The following SORCS2 variants were observed in gnomAD, a reference collection of about 807,000 sequenced individuals.
SORCS2 encodes the protein sortilin related VPS10 domain containing receptor 2, also known as VPS10 domain-containing receptor SorCS2.
Under a neutral mutation model 141.6 loss-of-function variants are expected in SORCS2, and 100 were observed. The ratio of observed to expected loss-of-function variants is 0.71; its 90% CI spans 0.60 to 0.83. The LOEUF (loss-of-function observed/expected upper bound fraction) is 0.83. Among genes scored for constraint, SORCS2 ranks in the 40% least tolerant of loss-of-function variants. The probability of loss-of-function intolerance (pLI) is 0.00; values close to 1 mark genes in which losing one functional copy is unlikely to be tolerated. For synonymous variants in SORCS2, 789 were observed against 676.9 expected, an observed-to-expected ratio of 1.17 and a Z score of -2.57; for missense variants, 1,646 against 1,560.2, an observed-to-expected ratio of 1.05 and a Z score of -0.93.
At chr4:7,602,273 C>T (rs940620149) in intron 3 of SORCS2, among the ~76,000 whole-genome samples, 3 of 151,956 alleles carry the variant, frequency 2.0e-5, no homozygotes, top group Admixed American at 6.6e-5. Flanking sequence ...ACCTCCCTCC[C>T]GGACGGGGTG....
At chr4:7,585,346 G>T (rs920921276) in intron 3 of SORCS2, among the ~76,000 whole-genome samples, 1 of 152,180 alleles carries the variant, frequency 6.6e-6, no homozygotes, top group Non-Finnish European at 1.5e-5. Flanking sequence ...GGGGTGGTTT[G>T]GGCTGCGGTG....
At chr4:7,715,449 G>A in intron 17 of SORCS2, 138 bp downstream of exon 17, 2 of 1,295,068 alleles carry the variant, frequency 1.5e-6, no homozygotes, top group South Asian at 2.9e-5. Flanking sequence ...TCAAAGTTGA[G>A]GATGCCCCAC....
chr4:7,647,723 T>C (rs1480266988), intron 4 of SORCS2, among the ~76,000 whole-genome samples: 3 of 152,174 alleles, frequency 2.0e-5, no homozygotes, highest in African/African-American at 7.2e-5. Flanking sequence ...CAGGATTTGC[T>C]ACGTTTCACA....
rs115959739 is a variant in SORCS2 at position 7,237,464 on chromosome 4, T to C, written c.480+44338T>C. 5.7e-3 allele frequency among the ~76,000 whole-genome samples: 875 copies of C among 152,278 alleles called. 8 individuals carry two copies. The highest frequency in any genetic ancestry group is 0.02 in the African/African-American group (821 of 41,564). Reference sequence around the variant, plus strand: ...GACCCTGTTCACATCCTTCTCAATATAGTTGCAGCCAGGGAGTGAACCCTG... The same window carrying C: ...GACCCTGTTCACATCCTTCTCAATACAGTTGCAGCCAGGGAGTGAACCCTG... On this transcript the variant is annotated intron_variant, in intron 1 of 26. Transcript: ENST00000507866.
intron 3 of SORCS2, among the ~76,000 whole-genome samples, chr4:7,595,312 C>A (rs1043234639): frequency 6.6e-6 from 1 of 152,192 alleles, no homozygotes; most frequent in African/African-American, 2.4e-5. Flanking sequence ...GTTCACCAAC[C>A]CAGAAGCTCT....
chr4:7,516,577 G>A (rs1319365137), intron 2 of SORCS2, among the ~76,000 whole-genome samples: 3 of 152,170 alleles, frequency 2.0e-5, no homozygotes, highest in African/African-American at 7.2e-5. Flanking sequence ...CTGGAGGGGT[G>A]GGGGCGGTGC....
At chr4:7,504,366 T>C (rs1365408518) in intron 2 of SORCS2, among the ~76,000 whole-genome samples, 1 of 152,210 alleles carries the variant, frequency 6.6e-6, no homozygotes, top group Non-Finnish European at 1.5e-5. Context: ...CCTGTGACTT[T>C]GTAGAGCCCG....
intron 23 of SORCS2, among the ~76,000 whole-genome samples, chr4:7,731,361 G>T (rs970963490): frequency 1.1e-4 from 17 of 152,024 alleles, no homozygotes; most frequent in Admixed American, 2.6e-4. Flanking sequence ...TGGATTAGAA[G>T]AATTTATATT....
In SORCS2 at chr4:7,717,835, G is replaced by A. The variant is rs1726295030; in HGVS notation, c.2253-177G>A. On this transcript the variant is annotated intron_variant, in intron 17 of 26. Transcript: ENST00000507866. ...GCCTCAGTGTTCTCATCTCTAAAAT[G>A]GGGCTGTAACAGCAATCAGGTGGAG... Among the ~76,000 whole-genome samples, 6 of 152,170 alleles carry A rather than the reference G, an allele frequency of 3.9e-5. No individual in the cohort carries two copies. The South Asian group carries it at 1.2e-3, about 32-fold the overall frequency.
At chr4:7,327,022 C>G (rs554669115) in intron 1 of SORCS2, among the ~76,000 whole-genome samples, 1 of 152,224 alleles carries the variant, frequency 6.6e-6, no homozygotes, top group Non-Finnish European at 1.5e-5. Flanking sequence ...GGCAAGTCCT[C>G]CCAGGCTGTG....
rs184854895 is a variant in SORCS2, at chr4:7,355,274, C to G, written c.481-41014C>G. ...GATTTTAGCCTAACCCCTCTGTGCCCTTCCGGGTTTATGGCATCCCACCCC... is the reference window on the plus strand; with the variant it reads ...GATTTTAGCCTAACCCCTCTGTGCCGTTCCGGGTTTATGGCATCCCACCCC... On this transcript the variant is annotated intron_variant, in intron 1 of 26. Coordinates refer to ENST00000507866, the MANE Select transcript of SORCS2 (RefSeq NM_020777.3). 1.4e-3 allele frequency among the ~76,000 whole-genome samples: 215 copies of G among 152,220 alleles called. 1 individual carries two copies. Among genetic ancestry groups the G allele is most frequent in the African/African-American group, 4.8e-3 (198 of 41,540 alleles).
intron 1 of SORCS2, among the ~76,000 whole-genome samples, chr4:7,241,539 G>C (rs898376617): frequency 6.6e-6 from 1 of 152,102 alleles, no homozygotes; most frequent in Non-Finnish European, 1.5e-5. Flanking sequence ...ACTGTGAGAG[G>C]CCTGGTGCAT....
intron 9 of SORCS2, among the ~76,000 whole-genome samples, chr4:7,679,025 C>T (rs944203918): frequency 1.3e-5 from 2 of 152,174 alleles, no homozygotes; most frequent in Admixed American, 6.5e-5. Context: ...CTTGCCCTTT[C>T]TGGGGATCAG....
intron 22 of SORCS2, 41 bp downstream of exon 22, chr4:7,728,503 C>G: frequency 6.8e-7 from 1 of 1,469,482 alleles, no homozygotes. Flanking sequence ...CCCCACGGTG[C>G]TTCCGGCATC....
rs1410922842 is a variant in SORCS2 at position 7,489,373 on chromosome 4, G to A, written c.549-42157G>A. ...CGCTGGTGCCTTCTTGAATTGATTT[G>A]CCGCTCCCTGTGTTGCTTTTCGAGT... On this transcript the variant is annotated intron_variant, in intron 2 of 26. Transcript: ENST00000507866. 1.3e-5 allele frequency among the ~76,000 whole-genome samples: 2 copies of A among 152,156 alleles called. 1 individual carries two copies. Among genetic ancestry groups the A allele is most frequent in the Admixed American group, 1.3e-4 (2 of 15,284 alleles).
At chr4:7,504,684 T>C (rs1227596156) in intron 2 of SORCS2, among the ~76,000 whole-genome samples, 3 of 152,214 alleles carry the variant, frequency 2.0e-5, no homozygotes, top group African/African-American at 7.2e-5. Flanking sequence ...TTAAATGCTA[T>C]ATGCTGTCGC....
At chr4:7,326,117 G>T (rs531661623) in intron 1 of SORCS2, among the ~76,000 whole-genome samples, 3 of 152,080 alleles carry the variant, frequency 2.0e-5, no homozygotes, top group Admixed American at 2.0e-4. Context: ...GGTGGTGAGG[G>T]GCTGTGTTCT....
intron 3 of SORCS2, among the ~76,000 whole-genome samples, chr4:7,629,091 T>C (rs1719705740): frequency 6.6e-6 from 1 of 152,044 alleles, no homozygotes; most frequent in Admixed American, 6.5e-5. Flanking sequence ...AAATTTCAAA[T>C]GTCTCACCTC....
chr4:7,276,846 G>C (rs1390443584), intron 1 of SORCS2, among the ~76,000 whole-genome samples: 2 of 152,170 alleles, frequency 1.3e-5, no homozygotes, highest in African/African-American at 2.4e-5. Context: ...CCTGTGCTCA[G>C]AGTTGATGTG....
Sources: gnomAD v4.1 joint callset for allele counts (sites outside exome capture counted in the v4.1 genomes callset) on GRCh38, gnomAD v4.1.1 for gene constraint, MANE v1.5 for transcripts, NCBI Gene and HGNC (gene_info 2026-07-23, HGNC 2026-07-21) for gene names.